The following XPO6 variants were observed in gnomAD, a reference collection of about 807,000 sequenced individuals.
XPO6 encodes exportin 6.
A neutral mutation model predicts 130.0 loss-of-function variants in XPO6; 3 were observed. That is an observed-to-expected ratio of 0.02 (90% CI 0.01 to 0.06). The LOEUF (loss-of-function observed/expected upper bound fraction) is 0.06. Among genes scored for constraint, XPO6 ranks in the 10% least tolerant of loss-of-function variants. The pLI is 1.00. For missense variants in XPO6, 970 were observed against 1,393.0 expected, an observed-to-expected ratio of 0.70 and a Z score of 4.83; for synonymous variants, 524 against 548.9, an observed-to-expected ratio of 0.95 and a Z score of 0.63.
intron 1 of XPO6, among the ~76,000 whole-genome samples, chr16:28,203,811 G>C (rs1186644210): frequency 1.5e-4 from 23 of 152,186 alleles, no homozygotes; most frequent in Admixed American, 1.5e-3. Flanking sequence ...TGCAAGAACA[G>C]GCAGGCCCTT....
chr16:28,181,828 A>G (rs906264530), intron 1 of XPO6, among the ~76,000 whole-genome samples: 109 of 152,314 alleles, frequency 7.2e-4, no homozygotes, highest in African/African-American at 2.5e-3. Context: ...ACAGGCCCAC[A>G]GTGAGAGCCA....
intron 8 of XPO6, among the ~76,000 whole-genome samples, chr16:28,151,367 A>G (rs1008060953): frequency 1.3e-5 from 2 of 152,204 alleles, no homozygotes; most frequent in Admixed American, 6.5e-5. Flanking sequence ...CTTGCAAACA[A>G]TGACTTAACA....
intron 8 of XPO6, among the ~76,000 whole-genome samples, chr16:28,151,351 A>T (rs1596885121): frequency 6.6e-6 from 1 of 152,204 alleles, no homozygotes; most frequent in Admixed American, 6.5e-5. Flanking sequence ...TCAGCAGGGG[A>T]GTGAACTTGC....
chr16:28,160,750 A>T (rs1008922455), intron 6 of XPO6, among the ~76,000 whole-genome samples: 1 of 152,190 alleles, frequency 6.6e-6, no homozygotes, highest in Non-Finnish European at 1.5e-5. Flanking sequence ...ATTACTAAGC[A>T]TCCCGAAGAG....
chr16:28,159,149 G>A (rs185782705), intron 6 of XPO6, among the ~76,000 whole-genome samples: 1 of 152,162 alleles, frequency 6.6e-6, no homozygotes, highest in Non-Finnish European at 1.5e-5. Context: ...AGGATCGCTT[G>A]AGCCCGGGGA....
At chr16:28,173,434 G>T (rs866564977) in intron 4 of XPO6, among the ~76,000 whole-genome samples, 1 of 152,172 alleles carries the variant, frequency 6.6e-6, no homozygotes, top group Non-Finnish European at 1.5e-5. Context: ...TAAGTGGCAG[G>T]AGGTGCTAAA....
At chr16:28,111,179 T>G (rs1388522336) in intron 17 of XPO6, 2 of 152,262 alleles carry the variant, frequency 1.3e-5, no homozygotes, top group African/African-American at 4.8e-5. Context: ...GCATTTTTGC[T>G]GACATTCCAT....
chr16:28,102,556 G>A (rs771594076), intron 21 of XPO6, among the ~76,000 whole-genome samples: 4 of 152,074 alleles, frequency 2.6e-5, no homozygotes, highest in South Asian at 2.1e-4. Flanking sequence ...TGGCCAACAC[G>A]GTAAAACCCC....
intron 1 of XPO6, among the ~76,000 whole-genome samples, chr16:28,200,939 TTCTC>T (rs1252094507): frequency 2.6e-5 from 4 of 151,964 alleles, no homozygotes; most frequent in Admixed American, 2.0e-4. Context: ...CACAGACCTT[TTCTC>T]TCTCTATGCC....
At chr16:28,139,714 A>G (rs1378903860) in intron 9 of XPO6, among the ~76,000 whole-genome samples, 1 of 152,170 alleles carries the variant, frequency 6.6e-6, no homozygotes, top group Non-Finnish European at 1.5e-5. Context: ...TTAAGTATAT[A>G]TACTGTAATA....
At chr16:28,119,040 G>C (rs1045728476) in intron 14 of XPO6, among the ~76,000 whole-genome samples, 1 of 152,196 alleles carries the variant, frequency 6.6e-6, no homozygotes, top group Admixed American at 6.5e-5. Flanking sequence ...TGCTGAAACA[G>C]GGTCTCGCTC....
intron 6 of XPO6, among the ~76,000 whole-genome samples, chr16:28,157,363 G>A (rs1357046755): frequency 1.3e-5 from 2 of 150,974 alleles, no homozygotes; most frequent in Non-Finnish European, 2.9e-5. Flanking sequence ...GCTGAGGCAG[G>A]AGAATCGCTT....
intron 9 of XPO6, among the ~76,000 whole-genome samples, chr16:28,141,649 C>T (rs934872602): frequency 2.0e-5 from 3 of 152,198 alleles, no homozygotes; most frequent in Non-Finnish European, 4.4e-5. Flanking sequence ...AACACTGGGG[C>T]TCAGGCTCTC....
chr16:28,204,633 T>C (rs1026138160), intron 1 of XPO6, among the ~76,000 whole-genome samples: 1 of 151,960 alleles, frequency 6.6e-6, no homozygotes, highest in Non-Finnish European at 1.5e-5. Flanking sequence ...GAGAGAGATG[T>C]TGGGTTATAG....
chr16:28,191,090 T>C (rs879659813), intron 1 of XPO6, among the ~76,000 whole-genome samples: 24 of 152,170 alleles, frequency 1.6e-4, no homozygotes, highest in African/African-American at 5.6e-4. Context: ...GCTAGGCATA[T>C]GGGAAAGAGA....
intron 11 of XPO6, 41 bp downstream of exon 11, chr16:28,133,800 A>G: frequency 6.3e-6 from 10 of 1,599,912 alleles, no homozygotes; most frequent in Non-Finnish European, 8.6e-6. Context: ...CTGTGTACAG[A>G]GAAATCGCTA....
At chr16:28,114,726 A>C (rs2087010880) in intron 15 of XPO6, among the ~76,000 whole-genome samples, 1 of 152,218 alleles carries the variant, frequency 6.6e-6, no homozygotes, top group African/African-American at 2.4e-5. Context: ...AGTTTGCTGC[A>C]TCGATTGACT....
At chr16:28,113,072 T>A (rs371104073) in intron 15 of XPO6, 22 bp from the exon 16 acceptor site, 1 of 1,609,956 alleles carries the variant, frequency 6.2e-7, no homozygotes, top group Non-Finnish European at 8.5e-7. Flanking sequence ...AGAGGGCACG[T>A]CAGCTCACCA....
rs781323441 is a variant in XPO6 at position 28,175,878 on chromosome 16, T to C, written c.405+20A>G. 1.9e-6 allele frequency: 3 copies of C among 1,606,666 alleles called. No homozygotes were observed. Among genetic ancestry groups the C allele is most frequent in the South Asian group, 2.2e-5 (2 of 90,796 alleles). On this transcript the variant is annotated intron_variant, in intron 4 of 23. Transcript: ENST00000304658. The stretch of plus-strand genomic sequence containing the variant: ...AAACAAACTATTCACAAGATAAAGT[T>C]TCCTTAGGCATATCCTTACCTGTAA...
Sources: gnomAD v4.1 joint callset for allele counts (sites outside exome capture counted in the v4.1 genomes callset) on GRCh38, gnomAD v4.1.1 for gene constraint, MANE v1.5 for transcripts, NCBI Gene and HGNC (gene_info 2026-07-23, HGNC 2026-07-21) for gene names.